Variants in LOC112694756 observed in about 807,000 individuals in gnomAD.
chr16:30,067,924 C>G, the LOC112694756 span: 1 of 540,854 alleles, frequency 1.8e-6, no homozygotes, highest in Non-Finnish European at 3.3e-6. Context: ...CAGTCTGACA[C>G]CCAATTCACT....
At chr16:30,069,657 G>GC in the LOC112694756 span, 9 of 1,613,566 alleles carry the variant, frequency 5.6e-6, no homozygotes, top group African/African-American at 1.3e-5. Flanking sequence ...GCCGCACAGT[G>GC]CCCCCCGCTG....
the LOC112694756 span, chr16:30,070,213 G>A: frequency 1.2e-6 from 2 of 1,614,106 alleles, no homozygotes; most frequent in Non-Finnish European, 1.7e-6. Context: ...CGCCTATTAA[G>A]CGGAGGTGTT....
At chr16:30,066,779 C>G in the LOC112694756 span, 1 of 1,315,478 alleles carries the variant, frequency 7.6e-7, no homozygotes, top group South Asian at 1.5e-5. Flanking sequence ...TGGCTTGAAG[C>G]ACAGACCTTT....
At chr16:30,056,103 T>G in the LOC112694756 span, among the ~76,000 whole-genome samples, 1 of 143,224 alleles carries the variant, frequency 7.0e-6, no homozygotes, top group African/African-American at 2.6e-5. Context: ...GGCCCAGCCA[T>G]GGTTTTTTTT....
chr16:30,063,095 C>T, the LOC112694756 span, among the ~76,000 whole-genome samples: 5 of 150,704 alleles, frequency 3.3e-5, no homozygotes, highest in Admixed American at 3.3e-4. Flanking sequence ...GAGCCAAGAT[C>T]GCACCATTGC....
chr16:30,058,641 A>G, the LOC112694756 span, among the ~76,000 whole-genome samples: 14 of 151,960 alleles, frequency 9.2e-5, no homozygotes, highest in Non-Finnish European at 1.8e-4. Context: ...GCCCGCCACC[A>G]CACCTGGCTA....
chr16:30,069,888 C>T, the LOC112694756 span: 3 of 1,614,186 alleles, frequency 1.9e-6, no homozygotes, highest in Non-Finnish European at 2.5e-6. Flanking sequence ...ACCTCAATGC[C>T]ATTAACAAGT....
chr16:30,066,156 G>A, the LOC112694756 span: 2 of 152,530 alleles, frequency 1.3e-5, no homozygotes, highest in Middle Eastern at 6.8e-3. Context: ...CGAGATGAAG[G>A]ACCATTCTCC....
chr16:30,069,767 C>T, the LOC112694756 span: 578 of 1,611,884 alleles, frequency 3.6e-4, 2 homozygotes, highest in African/African-American at 7.2e-3. Context: ...CAACTTCCAC[C>T]AGCTCCTGCC....
chr16:30,065,433 C>A, the LOC112694756 span, among the ~76,000 whole-genome samples: 29 of 152,342 alleles, frequency 1.9e-4, no homozygotes, highest in African/African-American at 7.0e-4. Context: ...CATCCGCGTC[C>A]TCCACTTCCC....
chr16:30,060,385 C>CATCT, the LOC112694756 span, among the ~76,000 whole-genome samples: 1 of 152,190 alleles, frequency 6.6e-6, no homozygotes, highest in South Asian at 2.1e-4. Flanking sequence ...GAGCTTTAAC[C>CATCT]ATCTATACGA....
the LOC112694756 span, chr16:30,068,189 C>G: frequency 6.5e-3 from 1,944 of 300,412 alleles, 37 homozygotes; most frequent in African/African-American, 0.04. Flanking sequence ...CTCAGCCTCC[C>G]GAGTAGCTGG....
chr16:30,069,493 C>T, the LOC112694756 span: 3 of 1,614,010 alleles, frequency 1.9e-6, no homozygotes, highest in Middle Eastern at 1.6e-4. Flanking sequence ...GCCTGCTCTG[C>T]TCCAGGTGCT....
chr16:30,069,296 C>T, the LOC112694756 span: 36 of 1,614,022 alleles, frequency 2.2e-5, no homozygotes, highest in Non-Finnish European at 2.7e-5. Context: ...CCCTGTCCCT[C>T]GCCCTGCAGA....
the LOC112694756 span, among the ~76,000 whole-genome samples, chr16:30,058,103 G>T: frequency 2.0e-5 from 3 of 152,142 alleles, no homozygotes; most frequent in African/African-American, 4.8e-5. Flanking sequence ...GAGGTGCATT[G>T]TAAGGATAGA....
the LOC112694756 span, chr16:30,067,572 C>T: frequency 1.9e-6 from 3 of 1,613,956 alleles, no homozygotes; most frequent in Non-Finnish European, 2.5e-6. Flanking sequence ...GGGTGTCATC[C>T]TCTTCCATGA....
the LOC112694756 span, chr16:30,067,417 G>A: frequency 9.3e-6 from 15 of 1,613,820 alleles, no homozygotes; most frequent in Non-Finnish European, 1.3e-5. Context: ...GGAGTGGCAG[G>A]CTGATCCCCT....
the LOC112694756 span, chr16:30,066,809 C>T: frequency 5.4e-6 from 8 of 1,470,992 alleles, no homozygotes; most frequent in Middle Eastern, 1.8e-4. Context: ...GGGCCCTTTC[C>T]CACGAGGGTG....
chr16:30,064,560 C>T, the LOC112694756 span: 2 of 398,576 alleles, frequency 5.0e-6, no homozygotes, highest in South Asian at 2.6e-4. Flanking sequence ...GTCTTCCTCC[C>T]CCTTCCCCCA....
Sources: gnomAD v4.1 joint callset for allele counts (sites outside exome capture counted in the v4.1 genomes callset) on GRCh38, gnomAD v4.1.1 for gene constraint, MANE v1.5 for transcripts.